UVSSA: variants seen among roughly 807,000 people sequenced by gnomAD.
UVSSA encodes the protein UV-stimulated scaffold protein A.
UVSSA carries 72 observed loss-of-function variants against 73.9 expected under a neutral mutation model. That is an observed-to-expected ratio of 0.97 (90% confidence interval 0.81 to 1.19). The LOEUF is 1.19. Ranked by LOEUF, UVSSA falls within the 50% of genes most tolerant of loss-of-function variation. The pLI, the probability that UVSSA is intolerant of heterozygous loss-of-function variation, is 0.00. For synonymous variants in UVSSA, 454 were observed against 391.3 expected, an observed-to-expected ratio of 1.16 and a Z score of -1.89; for missense variants, 1,150 against 965.0, an observed-to-expected ratio of 1.19 and a Z score of -2.54.
intron 3 of UVSSA, among the ~76,000 whole-genome samples, chr4:1,350,379 C>T (rs1464143590): frequency 2.0e-5 from 3 of 152,166 alleles, no homozygotes; most frequent in African/African-American, 4.8e-5. Flanking sequence ...GCTCAGTCCT[C>T]CCCAGTGCAA....
At chr4:1,379,298 G>T (rs1560480463) in intron 10 of UVSSA, among the ~76,000 whole-genome samples, 1 of 152,204 alleles carries the variant, frequency 6.6e-6, no homozygotes, top group East Asian at 1.9e-4. Flanking sequence ...GGGCAGTCTG[G>T]TCTGTGTGAG....
At chr4:1,349,419 T>C in intron 2 of UVSSA, 105 bp from the exon 3 acceptor site, 1 of 1,085,326 alleles carries the variant, frequency 9.2e-7, no homozygotes, top group Non-Finnish European at 1.3e-6. Flanking sequence ...GGGAAGGCAG[T>C]GGTGGTCCCT....
In UVSSA at chr4:1,395,959, C is replaced by T. The variant is rs1422957777; in HGVS notation, c.*9998C>T. ...CGTATCAGACCTTTTAATGAATTTT[C>T]ATGGATGCTGATTAAAAGACAAACC... On this transcript the variant is annotated 3_prime_UTR_variant, in exon 14 of 14. Coordinates refer to the UVSSA transcript ENST00000511216. 5 of 1,507,030 alleles carry T rather than the reference C, an allele frequency of 3.3e-6. No homozygotes were observed. In the African/African-American group the frequency reaches 7.0e-5, roughly 21 times the overall value. The allele number at this position is 1,507,030 out of a possible 1,614,324, so 93.4% of individuals were successfully genotyped here. A position where few individuals can be genotyped will look rare whatever the true frequency, so the allele number is the denominator to read the frequency against.
At chr4:1,367,437 A>G (rs1717477394) in intron 8 of UVSSA, among the ~76,000 whole-genome samples, 1 of 151,666 alleles carries the variant, frequency 6.6e-6, no homozygotes, top group Non-Finnish European at 1.5e-5. Context: ...AACTTAGATG[A>G]TTAGACAACT....
intron 8 of UVSSA, among the ~76,000 whole-genome samples, chr4:1,370,409 C>A (rs1040411630): frequency 6.6e-6 from 1 of 152,242 alleles, no homozygotes; most frequent in African/African-American, 2.4e-5. Context: ...CCGGTGTCTC[C>A]CGGGTGCGCG....
rs1720243805 is a variant in UVSSA at position 1,387,728 on chromosome 4, A to G, written c.*1767A>G. The G allele has an allele frequency of 1.3e-5, 2 of 152,192 alleles. No homozygotes were observed. Among genetic ancestry groups the G allele is most frequent in the South Asian group, 4.1e-4 (2 of 4,834 alleles). The allele number at this position is 152,192 out of a possible 1,614,324, so 9.4% of individuals were successfully genotyped here. On this transcript the variant is annotated 3_prime_UTR_variant, in exon 14 of 14. Coordinates refer to ENST00000389851, the MANE Select transcript of UVSSA (RefSeq NM_020894.4). ...TTCCCCATTGAATTATCTTCGCACC[A>G]TTATTGATAATCAGTTGACCAAAAA...
At chr4:1,349,005 G>A (rs1714195100) in intron 2 of UVSSA, among the ~76,000 whole-genome samples, 1 of 150,480 alleles carries the variant, frequency 6.6e-6, no homozygotes, top group Non-Finnish European at 1.5e-5. Flanking sequence ...GGTGTGCGTT[G>A]TGCCGGGCGG....
intron 7 of UVSSA, among the ~76,000 whole-genome samples, chr4:1,363,582 A>G (rs1716935014): frequency 6.6e-6 from 1 of 152,348 alleles, no homozygotes; most frequent in African/African-American, 2.4e-5. Context: ...TTAGTGTGTG[A>G]TAACGCGCTG....
chr4:1,356,567 T>C (rs564268116), intron 7 of UVSSA: 14 of 152,246 alleles, frequency 9.2e-5, no homozygotes, highest in South Asian at 2.1e-4. Flanking sequence ...CTTTTTGCAA[T>C]GCGAAAGGAT....
Position 1,372,148 on chromosome 4 carries a change from C to T in UVSSA, c.1289-3216C>T, listed in dbSNP as rs145778653. 3.3e-3 allele frequency among the ~76,000 whole-genome samples: 506 copies of T among 152,294 alleles called. 4 individuals are homozygous for T. Among genetic ancestry groups the T allele is most frequent in the African/African-American group, 0.011 (476 of 41,552 alleles). On this transcript the variant is annotated intron_variant, in intron 8 of 13. Coordinates refer to ENST00000389851, the MANE Select transcript of UVSSA (RefSeq NM_020894.4). Reference sequence around the variant, plus strand: ...TCCTCTGTCTTTTGGTCACTGTTTTCGTAGTAAATCTTTTTTCGTCCCTTT... The same window carrying T: ...TCCTCTGTCTTTTGGTCACTGTTTTTGTAGTAAATCTTTTTTCGTCCCTTT...
chr4:1,358,742 G>A lies in UVSSA; in HGVS notation c.1176+3497G>A, dbSNP rs982316328. Among the ~76,000 whole-genome samples, 11 of 152,354 alleles carry A rather than the reference G, an allele frequency of 7.2e-5. No individual in the cohort carries two copies. The East Asian group carries it at 1.3e-3, about 19-fold the overall frequency. On this transcript the variant is annotated intron_variant, in intron 7 of 13. Transcript: ENST00000389851. Reference sequence around the variant, plus strand: ...AGAAATTATGGACGAGGTGCTCCTCGTTAATTTTCAAATAAAATTTACAGA... The same window carrying A: ...AGAAATTATGGACGAGGTGCTCCTCATTAATTTTCAAATAAAATTTACAGA...
rs372587885 is a variant in UVSSA, at chr4:1,383,915, C to T, written c.2011C>T (p.Arg671Cys). Residue 671 changes from arginine to cysteine, a missense_variant, in exon 13 of 14, where the codon CGC (arginine) becomes TGC (cysteine). Arg to Cys is a radical substitution (Grantham distance 180, BLOSUM62 -3). Transcript: ENST00000389851. ...LKAQADTARA[R>C]IGRKVFAKAA... is the part of the protein sequence containing the mutation. ...GGCTCAGGCTGATACCGCCCGCGCT[C>T]GCATTGGGAGAAAAGTCTTCGCCAA... is the stretch of plus-strand genomic sequence containing the variant. 65 of 1,612,702 alleles carry T rather than the reference C, an allele frequency of 4.0e-5. 2 individuals are homozygous for T. Among genetic ancestry groups the T allele is most frequent in the East Asian group, 2.2e-4 (10 of 44,888 alleles).
rs560409062 is a variant in UVSSA, at chr4:1,385,950, G to C, written c.2119G>C (p.Ala707Pro). The change falls in exon 14 of 14, where the codon GCA (alanine) becomes CCA (proline). Residue 707 changes from alanine (A) to proline (P), a missense_variant. By Grantham distance (27) the Ala-to-Pro change is conservative. Transcript: ENST00000389851. ...HEKFSNQFNY[A>P]LN ...GAAGTTTTCAAACCAGTTTAACTAC[G>C]CACTGAACTAGAGAGCGGGGCCCAG... 6.2e-7 allele frequency: 1 copy of C among 1,614,006 alleles called. No individual in the cohort carries two copies.
intron 8 of UVSSA, among the ~76,000 whole-genome samples, chr4:1,371,253 G>T (rs1023464934): frequency 1.7e-5 from 2 of 120,648 alleles, no homozygotes; most frequent in Non-Finnish European, 3.3e-5. Context: ...TCTGTGGGTG[G>T]ACCTGTGTGT....
chr4:1,355,213 G>C lies in UVSSA; in HGVS notation c.1144G>C (p.Asp382His). Reference protein sequence around the residue: ...ELVLRKYKELDIEPEGGERRR... With the variant: ...ELVLRKYKELHIEPEGGERRR... The stretch of plus-strand genomic sequence containing the variant: ...CGTACTGAGAAAATACAAGGAGCTG[G>C]ACATCGAGCCTGAGGGAGGGGAAAG... The change falls in exon 7 of 14, where the codon GAC becomes CAC. Residue 382 changes from aspartate (D) to histidine (H), a missense_variant. Transcript: ENST00000389851. The C allele has an allele frequency of 1.2e-6, 2 of 1,613,152 alleles. No individual in the cohort carries two copies. Among genetic ancestry groups the C allele is most frequent in the South Asian group, 1.1e-5 (1 of 90,878 alleles).
intron 2 of UVSSA, among the ~76,000 whole-genome samples, chr4:1,349,019 G>GTGTTTGTGC: frequency 2.7e-5 from 4 of 149,678 alleles, no homozygotes; most frequent in African/African-American, 4.9e-5. Context: ...CGGGCGGTGT[G>GTGTTTGTGC]CGGTTTGTGC....
chr4:1,380,225 C>CTGAAGG lies in UVSSA; in HGVS notation c.1751_1752+4dup, dbSNP rs764483492. The CTGAAGG allele has an allele frequency of 1.4e-5, 23 of 1,610,522 alleles. 1 individual carries two copies. The highest frequency in any genetic ancestry group is 1.7e-4 in the Middle Eastern group (1 of 5,996). ...CCGGCTCTGTGAGCGCCAAGACCGGCTGAAGGTGAGGCCGTGGCCCGAGGG... is the reference window on the plus strand; with the variant it reads ...CCGGCTCTGTGAGCGCCAAGACCGGCTGAAGGTGAAGGTGAGGCCGTGGCCCGAGGG... On this transcript the variant is annotated inframe_insertion, in exon 11 of 14. Coordinates refer to ENST00000389851, the MANE Select transcript of UVSSA (RefSeq NM_020894.4).
At chr4:1,349,180 C>T (rs759567166) in intron 2 of UVSSA, among the ~76,000 whole-genome samples, 2 of 149,528 alleles carry the variant, frequency 1.3e-5, no homozygotes, top group African/African-American at 2.5e-5. Flanking sequence ...GTTGTGAACA[C>T]AGCTGTAGAT....
chr4:1,367,436 GAT>G (rs1717477682), intron 8 of UVSSA, among the ~76,000 whole-genome samples: 1 of 151,748 alleles, frequency 6.6e-6, no homozygotes, highest in Non-Finnish European at 1.5e-5. Context: ...GAACTTAGAT[GAT>G]TAGACAACTC....
Sources: allele counts gnomAD v4.1 joint callset (sites outside exome capture counted in the v4.1 genomes callset), GRCh38; gene constraint gnomAD v4.1.1; transcripts MANE v1.5; gene names NCBI Gene and HGNC (gene_info 2026-07-23, HGNC 2026-07-21).